TTLL9: variants seen among roughly 807,000 people sequenced by gnomAD.
TTLL9 encodes probable tubulin polyglutamylase TTLL9.
A neutral mutation model predicts 65.6 loss-of-function variants in TTLL9; 47 were observed. The observed-to-expected ratio is 0.72, with a 90% CI of 0.57 to 0.91. The LOEUF is 0.91. Among genes scored for constraint, TTLL9 ranks in the 40% least tolerant of loss-of-function variants. The pLI is 0.00. For synonymous variants in TTLL9, 179 were observed against 204.8 expected (o/e 0.87, Z 1.07); for missense variants, 537 against 568.8 (o/e 0.94, Z 0.57).
chr20:31,941,188 G>A (rs1337103798), intron 14 of TTLL9: 1 of 141,680 alleles, frequency 7.1e-6, no homozygotes, highest in Admixed American at 7.3e-5. Context: ...CTGCACTCCA[G>A]CCTGGGCGAC....
chr20:31,938,326 G>T, intron 13 of TTLL9: 1 of 345,388 alleles, frequency 2.9e-6, no homozygotes, highest in Non-Finnish European at 6.0e-6. Flanking sequence ...ATGGGGTGAG[G>T]GAGGGAGGGA....
intron 4 of TTLL9, among the ~76,000 whole-genome samples, chr20:31,903,134 T>G (rs573482926): frequency 7.9e-5 from 12 of 152,080 alleles, no homozygotes; most frequent in Non-Finnish European, 1.5e-4. Flanking sequence ...CCTCCCAAAG[T>G]GTTGAGATTA....
At chr20:31,894,720 TACACACACACAC>T (rs10582768) in intron 3 of TTLL9, among the ~76,000 whole-genome samples, 1 of 148,898 alleles carries the variant, frequency 6.7e-6, no homozygotes, top group Non-Finnish European at 1.5e-5. Context: ...TACATGTATA[TACACACACACAC>T]ACACACACAC....
In TTLL9 at chr20:31,880,208, G is replaced by T. The variant is rs553941197; in HGVS notation, c.70-6988G>T. On this transcript the variant is annotated intron_variant, in intron 2 of 14. Transcript: ENST00000535842. ...GACTCTAAGCTCCGTGACCCCAGGGGAAGTTGAACCTCAGAATTTCAGATT... is the reference window on the plus strand; with the variant it reads ...GACTCTAAGCTCCGTGACCCCAGGGTAAGTTGAACCTCAGAATTTCAGATT... 1.1e-4 allele frequency among the ~76,000 whole-genome samples: 16 copies of T among 152,294 alleles called. 1 individual carries two copies. Among genetic ancestry groups the T allele is most frequent in the African/African-American group, 3.8e-4 (16 of 41,564 alleles).
intron 10 of TTLL9, among the ~76,000 whole-genome samples, chr20:31,929,577 T>G (rs921976282): frequency 2.0e-5 from 3 of 152,350 alleles, no homozygotes; most frequent in Middle Eastern, 3.4e-3. Context: ...TTATCAGCAG[T>G]ATTTTCCTTG....
rs1313465801 is a variant in TTLL9, at chr20:31,873,768, G to GAGAA, written c.69+2587_69+2590dup. On this transcript the variant is annotated intron_variant, in intron 2 of 14. Coordinates refer to ENST00000535842, the MANE Select transcript of TTLL9 (RefSeq NM_001008409.5). ...AGGAAGGAAGAAAGAAAGAAAGAAA[G>GAGAA]AGAAAGAAAGAAAGAAAAAGAAAGA... 7.2e-5 allele frequency among the ~76,000 whole-genome samples: 10 copies of GAGAA among 139,422 alleles called. No homozygotes were observed. The East Asian group carries it at 1.6e-3, about 23-fold the overall frequency. The allele number at this position is 139,422 out of a possible 152,430, so 91.5% of individuals were successfully genotyped here.
Position 31,939,183 on chromosome 20 carries a change from T to C in TTLL9, c.1160T>C (p.Met387Thr), listed in dbSNP as rs371973004. The stretch of plus-strand genomic sequence containing the variant: ...AAGCGAGTCGGGGGCTTTGACCTCA[T>C]GTGGAATGATGGCCCTGTTAGCAGA... Reference protein sequence around the residue: ...REKRVGGFDLMWNDGPVSREE... With the variant: ...REKRVGGFDLTWNDGPVSREE... The change falls in exon 14 of 15, where the codon ATG becomes ACG. Residue 387 changes from methionine to threonine, a missense_variant. By Grantham distance (81) the Met-to-Thr change is moderately conservative (BLOSUM62 -1). Transcript: ENST00000535842. 1 of 1,610,638 alleles carries C rather than the reference T, an allele frequency of 6.2e-7. No homozygotes were observed.
chr20:31,908,905 C>T lies in TTLL9; in HGVS notation c.318+203C>T, dbSNP rs1407492304. 6.6e-6 allele frequency among the ~76,000 whole-genome samples: 1 copy of T among 152,040 alleles called. No homozygotes were observed. Among genetic ancestry groups the T allele is most frequent in the Non-Finnish European group, 1.5e-5 (1 of 68,020 alleles). ...AGGCCTGAGGACTGGAGGTCACAGGCTGGTTGGAGTTTCAGCACCAAGATT... is the reference window on the plus strand; with the variant it reads ...AGGCCTGAGGACTGGAGGTCACAGGTTGGTTGGAGTTTCAGCACCAAGATT... On this transcript the variant is annotated intron_variant, in intron 5 of 14. Coordinates refer to ENST00000535842, the MANE Select transcript of TTLL9 (RefSeq NM_001008409.5).
chr20:31,879,839 GGC>G (rs911025874), intron 2 of TTLL9: 22 of 1,549,816 alleles, frequency 1.4e-5, no homozygotes, highest in African/African-American at 4.1e-5. Flanking sequence ...AAGCACGCGA[GGC>G]GCGCGGTGGC....
intron 3 of TTLL9, among the ~76,000 whole-genome samples, chr20:31,895,933 G>C (rs1043210878): frequency 2.0e-5 from 3 of 148,888 alleles, no homozygotes; most frequent in Non-Finnish European, 3.0e-5. Context: ...TCCATCTCCC[G>C]GGTTCAAGCG....
intron 6 of TTLL9, among the ~76,000 whole-genome samples, chr20:31,918,131 A>G (rs1292537484): frequency 6.6e-6 from 1 of 152,010 alleles, no homozygotes; most frequent in Non-Finnish European, 1.5e-5. Flanking sequence ...GTTACCCAAG[A>G]GACTTTCCCC....
intron 10 of TTLL9, 38 bp downstream of exon 10, chr20:31,926,129 C>T (rs2063902317): frequency 6.9e-7 from 1 of 1,459,384 alleles, no homozygotes; most frequent in Non-Finnish European, 9.6e-7. Context: ...CCGGGAGCTT[C>T]CAGTTTTGTG....
At position 31,925,024 on chromosome 20, in the gene TTLL9, T is replaced by C. The variant is rs761459303; in HGVS notation, c.680T>C (p.Leu227Pro). The change falls in exon 9 of 15, where the codon CTG becomes CCG. Residue 227 changes from leucine (L) to proline (P), a missense_variant. Around this residue, in one of 3 missense-constraint regions of TTLL9, gnomAD observed 320 missense variants for 311.0 expected, o/e 1.03. Transcript: ENST00000535842. ...TGCCTGACAGGCCGCAAGTTTGACC[T>C]GCGTGTCTATGTGCTGGTGATGTCG... ...PYLIGGRKFD[L>P]RVYVLVMSVF... The C allele has an allele frequency of 9.9e-6, 16 of 1,613,978 alleles. No homozygotes were observed. The Admixed American group carries it at 2.7e-4, about 27-fold the overall frequency.
At chr20:31,921,100 G>A (rs1028389068) in intron 7 of TTLL9, among the ~76,000 whole-genome samples, 8 of 152,184 alleles carry the variant, frequency 5.3e-5, no homozygotes, top group Admixed American at 5.2e-4. Context: ...TCTCCAATGC[G>A]GTGACCACTA....
intron 2 of TTLL9, among the ~76,000 whole-genome samples, chr20:31,873,649 A>C (rs900096177): frequency 5.3e-5 from 8 of 149,544 alleles, no homozygotes; most frequent in Admixed American, 6.8e-5. Flanking sequence ...GACCCTGTCA[A>C]AAAAAAAGAC....
intron 4 of TTLL9, among the ~76,000 whole-genome samples, chr20:31,899,286 G>T (rs1017375019): frequency 1.3e-5 from 2 of 152,148 alleles, no homozygotes; most frequent in African/African-American, 4.8e-5. Flanking sequence ...CCAAGGTAGA[G>T]CTCCAGTCTT....
At chr20:31,904,489 T>G (rs2063523438) in intron 4 of TTLL9, among the ~76,000 whole-genome samples, 1 of 151,414 alleles carries the variant, frequency 6.6e-6, no homozygotes. Context: ...CCCTGAGTAG[T>G]TGGGACTACA....
chr20:31,930,326 A>G (rs954921032), intron 10 of TTLL9, among the ~76,000 whole-genome samples: 1 of 152,160 alleles, frequency 6.6e-6, no homozygotes, highest in African/African-American at 2.4e-5. Context: ...CAAAATGAAA[A>G]GATTTTTTAA....
chr20:31,904,044 C>T (rs1001074983), intron 4 of TTLL9, among the ~76,000 whole-genome samples: 1 of 152,166 alleles, frequency 6.6e-6, no homozygotes, highest in Non-Finnish European at 1.5e-5. Context: ...GTAGAATGTC[C>T]CTTGAATTGG....
Sources: gnomAD v4.1 joint callset for allele counts (sites outside exome capture counted in the v4.1 genomes callset) on GRCh38, gnomAD v4.1.1 for gene constraint, gnomAD v4.1.1 regional missense constraint, MANE v1.5 for transcripts, NCBI Gene and HGNC (gene_info 2026-07-23, HGNC 2026-07-21) for gene names.